The following SUN1 variants were observed in gnomAD, a reference collection of about 807,000 sequenced individuals.
The protein encoded by SUN1 is SUN domain-containing protein 1.
In SUN1, 61 loss-of-function variants were observed where a neutral mutation model predicts 103.2. The ratio of observed to expected loss-of-function variants is 0.59; its 90% CI spans 0.48 to 0.73. The LOEUF (loss-of-function observed/expected upper bound fraction) is 0.73, where lower values mean the gene tolerates loss of function less well. Among genes scored for constraint, SUN1 ranks in the 30% least tolerant of loss-of-function variants. The pLI is 0.00. For missense variants in SUN1, 1,052 were observed against 1,034.6 expected, an observed-to-expected ratio of 1.02 and a Z score of -0.23; for synonymous variants, 490 against 425.7, an observed-to-expected ratio of 1.15 and a Z score of -1.86.
Position 832,476 on chromosome 7 carries a change from ACT to A in SUN1, c.-46_-45del, listed in dbSNP as rs752071910. 1.1e-4 allele frequency: 173 copies of A among 1,577,444 alleles called. No homozygotes were observed. The highest frequency in any genetic ancestry group is 5.3e-4 in the East Asian group (23 of 43,734). On this transcript the variant is annotated 5_prime_UTR_variant, in exon 1 of 19. Coordinates refer to ENST00000401592, the MANE Select transcript of SUN1 (RefSeq NM_001130965.3). ...CGCTCGATTTCCTGCCCGTTAAAAC[ACT>A]CTGCATTTCTTTCCCGCCCTCTGCA... is the stretch of plus-strand genomic sequence containing the variant.
intron 1 of SUN1, among the ~76,000 whole-genome samples, chr7:837,277 C>T (rs750019872): frequency 2.0e-5 from 3 of 152,184 alleles, no homozygotes; most frequent in Non-Finnish European, 4.4e-5. Flanking sequence ...GCACAGCCGT[C>T]ACACTCTGAG....
chr7:824,085 G>A (rs950750572), intron 1 of SUN1, among the ~76,000 whole-genome samples: 14 of 152,206 alleles, frequency 9.2e-5, no homozygotes, highest in African/African-American at 1.7e-4. Flanking sequence ...CAGACATGGT[G>A]TGGCCAAAGT....
At chr7:842,844 G>T in intron 3 of SUN1, 1 of 418,686 alleles carries the variant, frequency 2.4e-6, no homozygotes. Flanking sequence ...CTCAGCTAGT[G>T]AGAGTGGTTA....
intron 13 of SUN1, among the ~76,000 whole-genome samples, chr7:858,207 A>C (rs1018319138): frequency 1.3e-5 from 2 of 152,082 alleles, no homozygotes; most frequent in African/African-American, 4.8e-5. Context: ...GGCATGTGCC[A>C]CTATGCCCGG....
intron 1 of SUN1, among the ~76,000 whole-genome samples, chr7:834,707 T>C: frequency 6.6e-6 from 1 of 152,232 alleles, no homozygotes. Context: ...CTTGTCTTGA[T>C]TCTTAGCAAT....
At chr7:836,079 G>A (rs1371252394) in intron 1 of SUN1, among the ~76,000 whole-genome samples, 1 of 152,262 alleles carries the variant, frequency 6.6e-6, no homozygotes, top group African/African-American at 2.4e-5. Context: ...AAACTAGCCG[G>A]CGCTGCAACC....
At chr7:839,074 C>A in intron 2 of SUN1, 88 bp downstream of exon 2, 2 of 1,328,460 alleles carry the variant, frequency 1.5e-6, no homozygotes, top group South Asian at 1.6e-5. Context: ...AAGCCGCACC[C>A]TGTCTCGAGC....
upstream of SUN1, among the ~76,000 whole-genome samples, chr7:815,676 G>C (rs1583564738): frequency 6.6e-6 from 1 of 152,366 alleles, no homozygotes; most frequent in South Asian, 2.1e-4. Flanking sequence ...GCAAGACGCG[G>C]TGCAGTCCCC....
upstream of SUN1, chr7:816,595 C>A: frequency 2.5e-6 from 1 of 396,494 alleles, no homozygotes; most frequent in Non-Finnish European, 5.0e-6. Flanking sequence ...GGGCGCGGCC[C>A]GCGATTGGCT....
At chr7:820,776 C>G (rs1378650259) in intron 1 of SUN1, among the ~76,000 whole-genome samples, 1 of 152,138 alleles carries the variant, frequency 6.6e-6, no homozygotes, top group Non-Finnish European at 1.5e-5. Flanking sequence ...TTGTGAGGTG[C>G]TTTTTCTGCA....
upstream of SUN1, among the ~76,000 whole-genome samples, chr7:828,553 T>C (rs1446741603): frequency 4.6e-5 from 7 of 152,214 alleles, no homozygotes; most frequent in Non-Finnish European, 1.0e-4. Flanking sequence ...ATTACAGGTG[T>C]GAGCCACCAT....
chr7:847,933 C>T (rs183934356), intron 5 of SUN1, among the ~76,000 whole-genome samples: 1,812 of 149,366 alleles, frequency 0.012, 56 homozygotes, highest in Admixed American at 0.071. Flanking sequence ...GTCCAGTCTC[C>T]GGGATCCCCT....
At chr7:842,893 T>C (rs1811558457) in intron 3 of SUN1, 2 of 516,792 alleles carry the variant, frequency 3.9e-6, no homozygotes, top group East Asian at 3.6e-5. Flanking sequence ...CTGAGGCTTG[T>C]GCCTTGCTGA....
At chr7:870,887 CTTTTTTTTTT>C (rs59711259) in intron 17 of SUN1, among the ~76,000 whole-genome samples, 2 of 101,082 alleles carry the variant, frequency 2.0e-5, no homozygotes, top group African/African-American at 4.3e-5. Flanking sequence ...TATTTTCTTT[CTTTTTTTTTT>C]TTTTTTTTTT....
intron 9 of SUN1, chr7:853,163 T>G: frequency 1.3e-6 from 1 of 781,406 alleles, no homozygotes; most frequent in Non-Finnish European, 2.0e-6. Context: ...TTAGTTTTAA[T>G]TTTAAAAACA....
intron 1 of SUN1, chr7:817,331 C>A: frequency 5.6e-6 from 7 of 1,242,254 alleles, no homozygotes; most frequent in South Asian, 2.6e-5. Context: ...TCAAGCGATC[C>A]CCTCGCCCCA....
chr7:815,896 A>T, upstream of SUN1: 1 of 225,714 alleles, frequency 4.4e-6, no homozygotes, highest in South Asian at 3.8e-5. Context: ...CAGCAATGGG[A>T]GACGTGCGGA....
chr7:839,407 C>T (rs779133279), intron 2 of SUN1, among the ~76,000 whole-genome samples: 3 of 152,204 alleles, frequency 2.0e-5, no homozygotes, highest in African/African-American at 4.8e-5. Context: ...TTTCTGGAGA[C>T]GGAGTCTCGC....
chr7:873,580 C>G lies in SUN1; in HGVS notation c.*249C>G. 4.6e-6 allele frequency: 2 copies of G among 430,626 alleles called. No homozygotes were observed. The highest frequency in any genetic ancestry group is 8.3e-6 in the Non-Finnish European group (2 of 240,362). 26.7% of individuals were successfully genotyped at this position (430,626 alleles called of 1,614,324 possible). On this transcript the variant is annotated 3_prime_UTR_variant, in exon 19 of 19. Transcript: ENST00000401592. ...GTGTTGAACACGTGGCTCTCAGACACTCCTTGTTTTTAACGGGAAGCTCTT... is the reference window on the plus strand; with the variant it reads ...GTGTTGAACACGTGGCTCTCAGACAGTCCTTGTTTTTAACGGGAAGCTCTT...
Sources: allele counts gnomAD v4.1 joint callset (sites outside exome capture counted in the v4.1 genomes callset), GRCh38; gene constraint gnomAD v4.1.1; transcripts MANE v1.5; gene names NCBI Gene and HGNC (gene_info 2026-07-23, HGNC 2026-07-21).